Variants in PDE4D observed in about 807,000 individuals in gnomAD.
PDE4D encodes 3',5'-cyclic-AMP phosphodiesterase 4D.
Under a neutral mutation model 87.4 loss-of-function variants are expected in PDE4D, and 24 were observed. The ratio of observed to expected loss-of-function variants is 0.27; its 90% CI spans 0.20 to 0.39. The LOEUF is 0.39. Among genes scored for constraint, PDE4D ranks in the 10% least tolerant of loss-of-function variants. The probability of loss-of-function intolerance (pLI) is 1.00; values close to 1 mark genes in which losing one functional copy is unlikely to be tolerated. For missense variants in PDE4D, 714 were observed against 1,041.0 expected (o/e 0.69, Z 4.32); for synonymous variants, 384 against 383.2 (o/e 1.00, Z -0.02).
chr5:60,369,697 T>C (rs1760852546), intron 1 of PDE4D, among the ~76,000 whole-genome samples: 1 of 152,134 alleles, frequency 6.6e-6, no homozygotes. Flanking sequence ...TTGAGGCTTG[T>C]CTGCTTCTAT....
At chr5:60,012,681 A>G (rs1349248104) in intron 2 of PDE4D, among the ~76,000 whole-genome samples, 3 of 152,218 alleles carry the variant, frequency 2.0e-5, no homozygotes, top group Non-Finnish European at 2.9e-5. Flanking sequence ...TACAAATGCC[A>G]TCGACAGCTT....
At chr5:59,590,130 A>G (rs1020871501) in intron 1 of PDE4D, among the ~76,000 whole-genome samples, 8 of 152,206 alleles carry the variant, frequency 5.3e-5, no homozygotes, top group Non-Finnish European at 1.2e-4. Context: ...AAATAGAAAT[A>G]ACTCATTTCC....
chr5:59,910,199 C>G (rs1229333933), intron 3 of PDE4D, among the ~76,000 whole-genome samples: 1 of 152,020 alleles, frequency 6.6e-6, no homozygotes, highest in African/African-American at 2.4e-5. Flanking sequence ...TGTGAGTATG[C>G]CTGTCTCATT....
At chr5:59,102,138 G>T (rs1770854293) in intron 5 of PDE4D, among the ~76,000 whole-genome samples, 1 of 144,314 alleles carries the variant, frequency 6.9e-6, no homozygotes, top group African/African-American at 2.6e-5. Context: ...CCAGGCTGGA[G>T]TGCAATGGTA....
At chr5:59,875,460 C>CAAAAAAAAA (rs3062667) in intron 1 of PDE4D, among the ~76,000 whole-genome samples, 3 of 39,690 alleles carry the variant, frequency 7.6e-5, no homozygotes, top group Non-Finnish European at 8.4e-5. Context: ...ACCTCCGTCT[C>CAAAAAAAAA]AAAAAAAAAA....
At chr5:60,472,258 C>T (rs1459420087) in intron 1 of PDE4D, among the ~76,000 whole-genome samples, 1 of 152,046 alleles carries the variant, frequency 6.6e-6, no homozygotes, top group Non-Finnish European at 1.5e-5. Context: ...TGTTAAAATT[C>T]CCATTTCACA....
At chr5:60,436,852 T>C (rs1478853767) in intron 1 of PDE4D, among the ~76,000 whole-genome samples, 1 of 152,086 alleles carries the variant, frequency 6.6e-6, no homozygotes, top group Admixed American at 6.6e-5. Flanking sequence ...AGTGCTGATA[T>C]TTGACACTTT....
At chr5:59,750,545 T>C (rs534057477) in intron 1 of PDE4D, among the ~76,000 whole-genome samples, 1 of 152,328 alleles carries the variant, frequency 6.6e-6, no homozygotes, top group African/African-American at 2.4e-5. Context: ...CATACAACTC[T>C]GTAACTCCTT....
chr5:59,720,878 T>C (rs55868825), intron 1 of PDE4D, among the ~76,000 whole-genome samples: 28,140 of 152,106 alleles, frequency 0.19, 3,154 homozygotes, highest in South Asian at 0.26. Context: ...TTTAGACTTC[T>C]CTAAGATAGA....
At chr5:59,299,798 C>T (rs900616722) in intron 1 of PDE4D, among the ~76,000 whole-genome samples, 34 of 151,882 alleles carry the variant, frequency 2.2e-4, no homozygotes, top group African/African-American at 7.3e-4. Context: ...GGTAGATTAA[C>T]GAGAAACACT....
intron 1 of PDE4D, among the ~76,000 whole-genome samples, chr5:59,436,600 C>T (rs1362855028): frequency 6.6e-6 from 1 of 152,050 alleles, no homozygotes; most frequent in East Asian, 1.9e-4. Flanking sequence ...ACATAAAATC[C>T]CATAAATCAG....
At chr5:60,182,002 A>G (rs1203160218) in intron 2 of PDE4D, among the ~76,000 whole-genome samples, 1 of 152,208 alleles carries the variant, frequency 6.6e-6, no homozygotes, top group Non-Finnish European at 1.5e-5. Flanking sequence ...AGCAGGCATT[A>G]GCAGAGGGAA....
At chr5:59,545,688 G>GAA (rs1817147338) in intron 1 of PDE4D, among the ~76,000 whole-genome samples, 2 of 152,126 alleles carry the variant, frequency 1.3e-5, no homozygotes, top group Non-Finnish European at 2.9e-5. Context: ...ACTTTGAAGA[G>GAA]CTATATTGAG....
intron 1 of PDE4D, among the ~76,000 whole-genome samples, chr5:59,820,933 T>C (rs536609993): frequency 1.3e-5 from 2 of 152,066 alleles, no homozygotes; most frequent in East Asian, 1.9e-4. Context: ...AAGGGAAGTA[T>C]AATAAATGAA....
intron 1 of PDE4D, among the ~76,000 whole-genome samples, chr5:59,217,027 G>T (rs1182742926): frequency 6.6e-6 from 1 of 152,154 alleles, no homozygotes; most frequent in Non-Finnish European, 1.5e-5. Flanking sequence ...TTGAGTAAAT[G>T]ATTAAATGAA....
At chr5:60,338,432 C>T (rs1373926962) in intron 1 of PDE4D, among the ~76,000 whole-genome samples, 1 of 152,198 alleles carries the variant, frequency 6.6e-6, no homozygotes, top group Non-Finnish European at 1.5e-5. Flanking sequence ...ACCACTGACA[C>T]CAACAATAAG....
chr5:59,780,980 A>G (rs917601079), intron 1 of PDE4D, among the ~76,000 whole-genome samples: 1 of 151,936 alleles, frequency 6.6e-6, no homozygotes, highest in African/African-American at 2.4e-5. Flanking sequence ...CAGCCTGACT[A>G]ACGTGGTGAA....
intron 1 of PDE4D, among the ~76,000 whole-genome samples, chr5:59,856,718 A>T (rs1466032928): frequency 6.6e-6 from 1 of 152,196 alleles, no homozygotes; most frequent in Non-Finnish European, 1.5e-5. Context: ...GCAATGCAGA[A>T]GCAGACATCT....
In PDE4D at chr5:60,360,275, C is replaced by G. The variant is rs1759951245; in HGVS notation, c.-90+127667G>C. On this transcript the variant is annotated intron_variant, in intron 1 of 16. Transcript: ENST00000502484. ...CTTTCTCAGACAAAGCTGTAAAACA[C>G]TGACCAGAAGCCCTAAATTCCAAGA... is the stretch of plus-strand genomic sequence containing the variant. Among the ~76,000 whole-genome samples the G allele has an allele frequency of 1.3e-5, 2 of 152,214 alleles. 1 individual carries two copies. The highest frequency in any genetic ancestry group is 4.1e-4 in the South Asian group (2 of 4,832).
Sources: allele counts gnomAD v4.1 joint callset (sites outside exome capture counted in the v4.1 genomes callset), GRCh38; gene constraint gnomAD v4.1.1; transcripts MANE v1.5; gene names NCBI Gene and HGNC (gene_info 2026-07-23, HGNC 2026-07-21).